The following DOK6 variants were observed in gnomAD, a reference collection of about 807,000 sequenced individuals.
DOK6 encodes the protein docking protein 6, also known as downstream of tyrosine kinase 6.
Under a neutral mutation model 44.0 loss-of-function variants are expected in DOK6, and 22 were observed. The ratio of observed to expected loss-of-function variants is 0.50; its 90% CI spans 0.36 to 0.71. The LOEUF (loss-of-function observed/expected upper bound fraction) is 0.71. Among genes scored for constraint, DOK6 ranks in the 30% least tolerant of loss-of-function variants. DOK6 has a pLI of 0.00. For synonymous variants in DOK6, 166 were observed against 145.5 expected (o/e 1.14, Z -1.01); for missense variants, 340 against 416.4 (o/e 0.82, Z 1.60).
chr18:69,502,861 T>G (rs1333203403), intron 1 of DOK6, among the ~76,000 whole-genome samples: 1 of 152,104 alleles, frequency 6.6e-6, no homozygotes, highest in African/African-American at 2.4e-5. Context: ...ACTGAACTAT[T>G]TAAAGATACT....
intron 3 of DOK6, among the ~76,000 whole-genome samples, chr18:69,642,480 A>G (rs539238988): frequency 5.3e-5 from 8 of 152,316 alleles, no homozygotes; most frequent in African/African-American, 1.7e-4. Context: ...TAATATAATG[A>G]GACTTCATCT....
chr18:69,523,963 T>C (rs888633552), intron 1 of DOK6, among the ~76,000 whole-genome samples: 2 of 152,064 alleles, frequency 1.3e-5, no homozygotes, highest in African/African-American at 4.8e-5. Context: ...CAAGTTCGTA[T>C]TTTTATAGTC....
chr18:69,592,490 T>C (rs1983645481), intron 2 of DOK6, among the ~76,000 whole-genome samples: 1 of 152,144 alleles, frequency 6.6e-6, no homozygotes, highest in Non-Finnish European at 1.5e-5. Context: ...GATTTCTCTT[T>C]AAAATGACAA....
chr18:69,627,016 AG>A (rs1984571270), intron 3 of DOK6, among the ~76,000 whole-genome samples: 4 of 152,146 alleles, frequency 2.6e-5, no homozygotes, highest in South Asian at 2.1e-4. Context: ...AGTCAAGCTG[AG>A]GGGAAGTTAA....
intron 1 of DOK6, among the ~76,000 whole-genome samples, chr18:69,475,614 A>G (rs1338762950): frequency 6.6e-6 from 1 of 152,180 alleles, no homozygotes; most frequent in East Asian, 1.9e-4. Context: ...TGGAAACAAG[A>G]AAGCTCTATT....
chr18:69,707,477 TG>T (rs1188150813), intron 5 of DOK6, among the ~76,000 whole-genome samples: 1 of 152,238 alleles, frequency 6.6e-6, no homozygotes, highest in African/African-American at 2.4e-5. Flanking sequence ...CCTTCATCCC[TG>T]GCCCAGCCAC....
intron 3 of DOK6, among the ~76,000 whole-genome samples, chr18:69,638,674 T>C (rs1984867450): frequency 6.6e-6 from 1 of 152,240 alleles, no homozygotes; most frequent in Non-Finnish European, 1.5e-5. Flanking sequence ...TTTATGGTAC[T>C]GCTTCTTATA....
At chr18:69,725,619 G>A (rs528812188) in intron 5 of DOK6, among the ~76,000 whole-genome samples, 7 of 152,178 alleles carry the variant, frequency 4.6e-5, no homozygotes, top group African/African-American at 1.7e-4. Flanking sequence ...TCCCGAGGAG[G>A]TGGGACTACA....
chr18:69,810,236 G>A (rs1981182302), intron 7 of DOK6, among the ~76,000 whole-genome samples: 1 of 151,758 alleles, frequency 6.6e-6, no homozygotes, highest in Admixed American at 6.6e-5. Flanking sequence ...TTCAATAAAT[G>A]GTATTGGGAA....
At chr18:69,567,843 C>A (rs187288739) in intron 2 of DOK6, among the ~76,000 whole-genome samples, 190 of 152,322 alleles carry the variant, frequency 1.2e-3, no homozygotes, top group African/African-American at 4.4e-3. Flanking sequence ...GCAGCTCTCT[C>A]ACACTGTCTG....
At chr18:69,608,561 G>T (rs1212127364) in intron 3 of DOK6, among the ~76,000 whole-genome samples, 1 of 152,106 alleles carries the variant, frequency 6.6e-6, no homozygotes, top group Non-Finnish European at 1.5e-5. Flanking sequence ...TTTTGAGAGG[G>T]ATTGCACTGA....
intron 7 of DOK6, among the ~76,000 whole-genome samples, chr18:69,840,894 T>C (rs1982198082): frequency 6.6e-6 from 1 of 152,196 alleles, no homozygotes; most frequent in Non-Finnish European, 1.5e-5. Flanking sequence ...TAAAAACAGC[T>C]TTTTCTGGGG....
At chr18:69,742,692 A>G (rs1978846660) in intron 6 of DOK6, among the ~76,000 whole-genome samples, 1 of 152,220 alleles carries the variant, frequency 6.6e-6, no homozygotes, top group Non-Finnish European at 1.5e-5. Flanking sequence ...ACAAGAGGAG[A>G]GCAAGAAAGT....
At chr18:69,616,266 C>T (rs922228411) in intron 3 of DOK6, among the ~76,000 whole-genome samples, 1 of 152,200 alleles carries the variant, frequency 6.6e-6, no homozygotes, top group Admixed American at 6.5e-5. Context: ...AGAGCTACCA[C>T]TCATGACTGT....
chr18:69,733,591 A>G (rs1252369683), intron 5 of DOK6, among the ~76,000 whole-genome samples: 1 of 152,198 alleles, frequency 6.6e-6, no homozygotes, highest in Non-Finnish European at 1.5e-5. Context: ...TTTATTAACT[A>G]TAGTCACCAT....
intron 5 of DOK6, among the ~76,000 whole-genome samples, chr18:69,701,922 ATCTTT>A (rs1243256748): frequency 1.3e-5 from 2 of 152,168 alleles, no homozygotes; most frequent in Non-Finnish European, 2.9e-5. Flanking sequence ...AAGAGAAAGA[ATCTTT>A]TCTCTAATGC....
chr18:69,769,091 T>C (rs1979811922), intron 7 of DOK6, among the ~76,000 whole-genome samples: 1 of 151,940 alleles, frequency 6.6e-6, no homozygotes. Context: ...TTTAAAACTT[T>C]TGTGTTATTT....
At chr18:69,747,839 A>T (rs1049865285) in intron 6 of DOK6, among the ~76,000 whole-genome samples, 2 of 152,216 alleles carry the variant, frequency 1.3e-5, no homozygotes, top group African/African-American at 4.8e-5. Flanking sequence ...TAGCAGTCTT[A>T]CATGTATGCA....
chr18:69,762,973 T>C (rs1481708963), intron 7 of DOK6, among the ~76,000 whole-genome samples: 1 of 152,194 alleles, frequency 6.6e-6, no homozygotes, highest in South Asian at 2.1e-4. Context: ...TTTTTTGTTT[T>C]CTTTTTCTTT....
Sources: gnomAD v4.1 joint callset for allele counts (sites outside exome capture counted in the v4.1 genomes callset) on GRCh38, gnomAD v4.1.1 for gene constraint, MANE v1.5 for transcripts, NCBI Gene and HGNC (gene_info 2026-07-23, HGNC 2026-07-21) for gene names.